Variants in SMARCD1 observed in about 807,000 individuals in gnomAD.
SMARCD1 encodes SWI/SNF-related matrix-associated actin-dependent regulator of chromatin subfamily D member 1.
In SMARCD1, 16 loss-of-function variants were observed where a neutral mutation model predicts 70.8. The observed-to-expected ratio is 0.23, with a 90% CI of 0.15 to 0.34. The LOEUF (loss-of-function observed/expected upper bound fraction) is 0.34. SMARCD1 is among the 10% of genes least tolerant of loss of function. The probability of loss-of-function intolerance (pLI) is 1.00; values close to 1 mark genes in which losing one functional copy is unlikely to be tolerated. For missense variants in SMARCD1, 409 were observed against 655.5 expected (o/e 0.62, Z 4.11); for synonymous variants, 249 against 246.0 (o/e 1.01, Z -0.11).
Position 50,088,543 on chromosome 12 carries a change from C to T in SMARCD1, c.677C>T (p.Ala226Val). The T allele has an allele frequency of 6.2e-7, 1 of 1,603,450 alleles. No individual in the cohort carries two copies. ...LEDSALSKYDATKQKRKFSSF... is the reference protein window; with the variant it reads ...LEDSALSKYDVTKQKRKFSSF... Reference sequence around the variant, plus strand: ...TAGTCAGCCTTGTCCAAATATGATGCCACTAAACAAAAGAGGAAGTTCTCT... The same window carrying T: ...TAGTCAGCCTTGTCCAAATATGATGTCACTAAACAAAAGAGGAAGTTCTCT... The change falls in exon 6 of 13, where the codon GCC becomes GTC. Residue 226 changes from alanine (A) to valine (V), a missense_variant. Physicochemically the swap from Ala to Val is moderately conservative, Grantham distance 64. Transcript: ENST00000394963.
chr12:50,100,112 C>T lies in SMARCD1; in HGVS notation c.*1112C>T, dbSNP rs1330527408. 1 of 152,662 alleles carries T rather than the reference C, an allele frequency of 6.6e-6. No homozygotes were observed. The allele number at this position is 152,662 out of a possible 1,614,324, so 9.5% of individuals were successfully genotyped here. A position where few individuals can be genotyped will look rare whatever the true frequency, so the allele number is the denominator to read the frequency against. ...TCAGACCCCTCAGGTAGCAGCAGGA[C>T]CTTGTGATCTTGGCCCCTTGGATCT... On this transcript the variant is annotated 3_prime_UTR_variant, in exon 13 of 13. Coordinates refer to ENST00000394963, the MANE Select transcript of SMARCD1 (RefSeq NM_003076.5).
chr12:50,088,322 T>C (rs1310323314), intron 5 of SMARCD1, 199 bp from the exon 6 acceptor site: 6 of 696,998 alleles, frequency 8.6e-6, no homozygotes, highest in Non-Finnish European at 1.3e-5. Context: ...TGTTCTAGGC[T>C]GCTTCTTCAG....
At chr12:50,092,235 C>CTTTTTTTTTTTTTTTTTTTTTTTT (rs60619880) in intron 9 of SMARCD1, among the ~76,000 whole-genome samples, 10 of 91,156 alleles carry the variant, frequency 1.1e-4, no homozygotes, top group South Asian at 4.1e-4. Flanking sequence ...TTCTTTCTTT[C>CTTTTTTTTTTTTTTTTTTTTTTTT]TTTTTTTTTT....
intron 6 of SMARCD1, chr12:50,089,025 G>C (rs1178325572): frequency 6.5e-6 from 1 of 154,604 alleles, no homozygotes; most frequent in Non-Finnish European, 1.4e-5. Context: ...TAGGGTACTA[G>C]TACTTGCCAA....
chr12:50,099,446 C>T lies in SMARCD1; in HGVS notation c.*446C>T. 4.9e-6 allele frequency: 2 copies of T among 408,746 alleles called. No individual in the cohort carries two copies. Among genetic ancestry groups the T allele is most frequent in the East Asian group, 7.0e-5 (2 of 28,666 alleles). The allele number at this position is 408,746 out of a possible 1,614,324, so 25.3% of individuals were successfully genotyped here. ...CTCTATAAGCTAGTTGATCTTGGCT[C>T]TCCTGATAACAGAATCCAATTTCCT... On this transcript the variant is annotated 3_prime_UTR_variant, in exon 13 of 13. Transcript: ENST00000394963.
At chr12:50,095,623 G>A (rs1350589676) in intron 10 of SMARCD1, among the ~76,000 whole-genome samples, 4 of 152,156 alleles carry the variant, frequency 2.6e-5, no homozygotes, top group African/African-American at 7.2e-5. Context: ...CACCGCGCCC[G>A]GCCCCAACTA....
Position 50,090,597 on chromosome 12 carries a change from C to T in SMARCD1, c.1133+7C>T, listed in dbSNP as rs1282038247. ...TCATTAATCATGTCATCAGGTAGGC[C>T]TGTGTGTGGGAGGCAGTGCTGTGCC... On this transcript the variant is annotated splice_region_variant and intron_variant, in intron 9 of 12. Transcript: ENST00000394963. 3 of 1,604,694 alleles carry T rather than the reference C, an allele frequency of 1.9e-6. No homozygotes were observed. In the African/African-American group the frequency reaches 4.0e-5, roughly 21 times the overall value.
At chr12:50,089,298 C>T (rs1416622414) in intron 6 of SMARCD1, 1 of 152,362 alleles carries the variant, frequency 6.6e-6, no homozygotes, top group Non-Finnish European at 1.5e-5. Flanking sequence ...AGGTCTTTAC[C>T]ATCTAATAAG....
intron 12 of SMARCD1, 43 bp from the exon 13 acceptor site, chr12:50,098,904 T>A (rs766206099): frequency 6.2e-7 from 1 of 1,609,728 alleles, no homozygotes; most frequent in East Asian, 2.2e-5. Flanking sequence ...TACCAACTTC[T>A]GGTTTGTCTC....
intron 10 of SMARCD1, among the ~76,000 whole-genome samples, chr12:50,094,866 C>T (rs1487285939): frequency 1.3e-5 from 2 of 151,906 alleles, no homozygotes; most frequent in Admixed American, 6.5e-5. Context: ...GGTGCAATCC[C>T]GCCTCACGGC....
chr12:50,090,661 A>C, intron 9 of SMARCD1, 71 bp downstream of exon 9: 1 of 1,102,682 alleles, frequency 9.1e-7, no homozygotes, highest in Admixed American at 1.9e-5. Context: ...CCAGTTGTCA[A>C]ATTTTCAGGA....
In SMARCD1 at chr12:50,099,147, A is replaced by G; in HGVS notation, c.*147A>G. The G allele has an allele frequency of 1.4e-6, 1 of 699,130 alleles. No individual in the cohort carries two copies. Among genetic ancestry groups the G allele is most frequent in the South Asian group, 1.6e-5 (1 of 61,682 alleles). The allele number at this position is 699,130 out of a possible 1,614,324, so 43.3% of individuals were successfully genotyped here. On this transcript the variant is annotated 3_prime_UTR_variant, in exon 13 of 13. Transcript: ENST00000394963. Reference sequence around the variant, plus strand: ...ACAACACCAGAATGAAGAGGGTCTCACAAGACACCTGTTATCCTCTTCTTT... The same window carrying G: ...ACAACACCAGAATGAAGAGGGTCTCGCAAGACACCTGTTATCCTCTTCTTT...
At chr12:50,095,261 A>G (rs1002359631) in intron 10 of SMARCD1, among the ~76,000 whole-genome samples, 1 of 152,252 alleles carries the variant, frequency 6.6e-6, no homozygotes, top group African/African-American at 2.4e-5. Flanking sequence ...AATAAAGCCA[A>G]AAGTGCTTTG....
At chr12:50,088,828 T>C (rs1950815834) in intron 6 of SMARCD1, 191 bp downstream of exon 6, 2 of 376,672 alleles carry the variant, frequency 5.3e-6, no homozygotes, top group African/African-American at 2.1e-5. Flanking sequence ...CCAAGGGCTC[T>C]TGTAACCTAA....
chr12:50,095,908 T>C (rs1351623456), intron 10 of SMARCD1, among the ~76,000 whole-genome samples: 1 of 152,182 alleles, frequency 6.6e-6, no homozygotes, highest in Non-Finnish European at 1.5e-5. Context: ...CTGGTTTATG[T>C]TTCATCCCGA....
intron 10 of SMARCD1, among the ~76,000 whole-genome samples, chr12:50,095,748 GAA>G (rs1950888056): frequency 2.0e-5 from 3 of 152,210 alleles, no homozygotes; most frequent in South Asian, 4.1e-4. Flanking sequence ...AAGGTCCAGA[GAA>G]GAGAGAGAGA....
At chr12:50,094,596 T>G in intron 10 of SMARCD1, 24 bp downstream of exon 10, 2 of 1,609,572 alleles carry the variant, frequency 1.2e-6, no homozygotes, top group Non-Finnish European at 1.7e-6. Context: ...CCCTGGATAG[T>G]TGGGTACCAC....
intron 11 of SMARCD1, among the ~76,000 whole-genome samples, chr12:50,098,268 AAAC>A (rs1255015502): frequency 1.3e-5 from 2 of 152,200 alleles, no homozygotes; most frequent in Non-Finnish European, 2.9e-5. Flanking sequence ...GGGCAGTTTC[AAAC>A]AACAGGCTTG....
chr12:50,087,073 C>G (rs969934055), intron 4 of SMARCD1, among the ~76,000 whole-genome samples, 195 bp downstream of exon 4: 5 of 152,204 alleles, frequency 3.3e-5, no homozygotes, highest in Admixed American at 6.5e-5. Context: ...CTCTTGATGT[C>G]TCTTGCACTA....
Sources: gnomAD v4.1 joint callset for allele counts (sites outside exome capture counted in the v4.1 genomes callset) on GRCh38, gnomAD v4.1.1 for gene constraint, MANE v1.5 for transcripts, NCBI Gene and HGNC (gene_info 2026-07-23, HGNC 2026-07-21) for gene names.